Variants in UBAC2 observed in about 807,000 individuals in gnomAD.
The protein encoded by UBAC2 is UBA domain containing 2.
In UBAC2, 26 loss-of-function variants were observed where a neutral mutation model predicts 44.0. That is an observed-to-expected ratio of 0.59 (90% confidence interval 0.43 to 0.82). The LOEUF (loss-of-function observed/expected upper bound fraction) is 0.82. UBAC2 is among the 40% of genes least tolerant of loss of function. UBAC2 has a pLI of 0.00. For missense variants in UBAC2, 329 were observed against 419.4 expected, an observed-to-expected ratio of 0.78 and a Z score of 1.88; for synonymous variants, 155 against 154.3, an observed-to-expected ratio of 1.00 and a Z score of -0.04.
At chr13:99,355,414 T>C (rs1448612231) in intron 7 of UBAC2, among the ~76,000 whole-genome samples, 2 of 152,178 alleles carry the variant, frequency 1.3e-5, no homozygotes, top group East Asian at 3.8e-4. Flanking sequence ...GTTCAGTGCT[T>C]ACAGGTGTGT....
At chr13:99,357,667 A>G (rs2045206849) in intron 7 of UBAC2, among the ~76,000 whole-genome samples, 1 of 152,218 alleles carries the variant, frequency 6.6e-6, no homozygotes. Flanking sequence ...GCTTCTTTGT[A>G]ACTCCTGGTT....
chr13:99,300,210 G>T (rs577535418), intron 4 of UBAC2, among the ~76,000 whole-genome samples: 20 of 152,380 alleles, frequency 1.3e-4, no homozygotes, highest in Admixed American at 4.6e-4. Context: ...AGGGTAGCCT[G>T]TTGAGGGTCC....
At chr13:99,247,546 T>C (rs1389915298) in intron 4 of UBAC2, among the ~76,000 whole-genome samples, 2 of 151,786 alleles carry the variant, frequency 1.3e-5, no homozygotes, top group South Asian at 2.1e-4. Flanking sequence ...ATGTACTTCA[T>C]GGACACAGGG....
rs1201987792 is a variant in UBAC2 at position 99,340,709 on chromosome 13, GTC to G, written c.807+148_807+149del. The G allele has an allele frequency of 3.3e-6, 3 of 914,396 alleles. No homozygotes were observed. The East Asian group carries it at 7.8e-5, about 24-fold the overall frequency. 56.6% of individuals were successfully genotyped at this position (914,396 alleles called of 1,614,324 possible). A position where few individuals can be genotyped will look rare whatever the true frequency, so the allele number is the denominator to read the frequency against. On this transcript the variant is annotated intron_variant, in intron 7 of 8. Transcript: ENST00000403766. ...TTTGACATTTCCAAAGAGATTGTAG[GTC>G]TCTGTTAGTGGCCATTCTTAGTTTT...
intron 7 of UBAC2, among the ~76,000 whole-genome samples, chr13:99,346,660 A>G (rs909010238): frequency 2.6e-5 from 4 of 151,352 alleles, no homozygotes; most frequent in South Asian, 2.1e-4. Context: ...TCTAGCTGCT[A>G]TTTACTCGGC....
intron 1 of UBAC2, among the ~76,000 whole-genome samples, chr13:99,217,119 C>T (rs997087556): frequency 6.6e-6 from 1 of 152,178 alleles, no homozygotes; most frequent in Non-Finnish European, 1.5e-5. Context: ...GCGTGAGCCA[C>T]GGCGCCTGGC....
chr13:99,201,025 C>T (rs1209454092), intron 1 of UBAC2, 86 bp downstream of exon 1: 1 of 1,295,308 alleles, frequency 7.7e-7, no homozygotes, highest in East Asian at 2.9e-5. Context: ...CGGGGACCCT[C>T]GGGTTTGCCG....
rs2044263447 is a variant in UBAC2, at chr13:99,301,955, C to A, written c.390-12142C>A. 2.0e-5 allele frequency among the ~76,000 whole-genome samples: 3 copies of A among 152,204 alleles called. No homozygotes were observed. The South Asian group carries it at 6.2e-4, about 32-fold the overall frequency. ...AACACCTTGAATGAAAAGGGGCTTA[C>A]CTAGGAATTCTGTTTAATTGTAGCC... On this transcript the variant is annotated intron_variant, in intron 4 of 8. Transcript: ENST00000403766.
At chr13:99,245,583 G>A (rs913653727) in intron 4 of UBAC2, among the ~76,000 whole-genome samples, 1 of 152,196 alleles carries the variant, frequency 6.6e-6, no homozygotes, top group African/African-American at 2.4e-5. Context: ...GCCGGGCGCG[G>A]TGGCTCATGC....
intron 4 of UBAC2, among the ~76,000 whole-genome samples, chr13:99,306,229 A>T (rs1278259078): frequency 6.6e-6 from 1 of 152,124 alleles, no homozygotes; most frequent in Non-Finnish European, 1.5e-5. Context: ...TATCCATAAC[A>T]TATCTGTTGG....
chr13:99,361,352 C>T (rs2045262314), intron 7 of UBAC2, among the ~76,000 whole-genome samples: 1 of 152,136 alleles, frequency 6.6e-6, no homozygotes, highest in South Asian at 2.1e-4. Context: ...ACGTAAAGAG[C>T]AGATTCATGT....
chr13:99,385,389 C>A lies in UBAC2; in HGVS notation c.*54C>A. On this transcript the variant is annotated 3_prime_UTR_variant, in exon 9 of 9. Coordinates refer to ENST00000403766, the MANE Select transcript of UBAC2 (RefSeq NM_001144072.2). ...CGGCAGCCGAGTGACAGTGCGTGGT[C>A]CCCACCATCAGATCAGCCCGGGGAC... The A allele has an allele frequency of 7.0e-7, 1 of 1,435,700 alleles. No homozygotes were observed. Among genetic ancestry groups the A allele is most frequent in the Non-Finnish European group, 9.8e-7 (1 of 1,021,260 alleles). The allele number at this position is 1,435,700 out of a possible 1,614,324, so 88.9% of individuals were successfully genotyped here. A position where few individuals can be genotyped will look rare whatever the true frequency, so the allele number is the denominator to read the frequency against.
intron 6 of UBAC2, among the ~76,000 whole-genome samples, chr13:99,321,175 T>C (rs571159297): frequency 1.3e-5 from 2 of 152,308 alleles, no homozygotes; most frequent in East Asian, 3.8e-4. Context: ...AACAAAGATA[T>C]TTGTATGAAA....
chr13:99,237,588 G>T (rs922922555), intron 1 of UBAC2, among the ~76,000 whole-genome samples: 7 of 152,210 alleles, frequency 4.6e-5, no homozygotes, highest in Non-Finnish European at 1.0e-4. Flanking sequence ...GTCTGTAGTT[G>T]ACACTAATCT....
At chr13:99,378,348 G>A (rs1395853975) in intron 8 of UBAC2, among the ~76,000 whole-genome samples, 5 of 152,078 alleles carry the variant, frequency 3.3e-5, no homozygotes, top group African/African-American at 1.2e-4. Context: ...CCAACATAGT[G>A]AAACCCCATC....
chr13:99,255,658 A>G, intron 4 of UBAC2: 4 of 1,614,118 alleles, frequency 2.5e-6, no homozygotes, highest in Non-Finnish European at 3.4e-6. Context: ...TAAAGTCATT[A>G]TAAATATCAA....
chr13:99,260,700 C>G (rs1193591309), intron 4 of UBAC2, among the ~76,000 whole-genome samples: 1 of 152,102 alleles, frequency 6.6e-6, no homozygotes, highest in Non-Finnish European at 1.5e-5. Context: ...TTCTTTAATA[C>G]TTGAACCTAA....
At chr13:99,321,191 G>C (rs1327801156) in intron 6 of UBAC2, among the ~76,000 whole-genome samples, 2 of 152,184 alleles carry the variant, frequency 1.3e-5, no homozygotes, top group Non-Finnish European at 2.9e-5. Context: ...TGAAACATGA[G>C]TAATTTGTTA....
At chr13:99,238,595 G>T (rs1178123080) in intron 2 of UBAC2, 41 bp downstream of exon 2, 17 of 1,265,716 alleles carry the variant, frequency 1.3e-5, no homozygotes, top group South Asian at 7.4e-5. Context: ...AGAGCGGACA[G>T]TTTTTTTTTT....
Sources: allele counts gnomAD v4.1 joint callset (sites outside exome capture counted in the v4.1 genomes callset), GRCh38; gene constraint gnomAD v4.1.1; transcripts MANE v1.5; gene names NCBI Gene and HGNC (gene_info 2026-07-23, HGNC 2026-07-21).